Variants in TJP3 observed in about 807,000 individuals in gnomAD.
The protein encoded by TJP3 is tight junction protein ZO-3.
TJP3 carries 85 observed loss-of-function variants against 104.2 expected under a neutral mutation model. The ratio of observed to expected loss-of-function variants is 0.82; its 90% CI spans 0.68 to 0.98. The LOEUF (loss-of-function observed/expected upper bound fraction) is 0.98, where lower values mean the gene tolerates loss of function less well. TJP3 is among the 50% of genes least tolerant of loss of function. The pLI is 0.00. For synonymous variants in TJP3, 550 were observed against 550.6 expected (o/e 1.00, Z 0.02); for missense variants, 1,367 against 1,322.8 (o/e 1.03, Z -0.52).
intron 8 of TJP3, among the ~76,000 whole-genome samples, chr19:3,735,025 T>C (rs1334565206): frequency 6.6e-6 from 1 of 152,078 alleles, no homozygotes; most frequent in Non-Finnish European, 1.5e-5. Context: ...ACTGGCTAAT[T>C]TTCATATTTT....
Position 3,735,940 on chromosome 19 carries a change from G to T in TJP3, c.1127+5G>T. The T allele has an allele frequency of 6.2e-7, 1 of 1,614,106 alleles. No homozygotes were observed. The highest frequency in any genetic ancestry group is 8.5e-7 in the Non-Finnish European group (1 of 1,180,018). ...TCAGAGCATGGAGGATCGTGGGTAT[G>T]TACCCCAGAAGAAAGCAAACCCGCT... On this transcript the variant is annotated splice_donor_5th_base_variant and intron_variant, in intron 10 of 20. Coordinates refer to ENST00000541714, the MANE Select transcript of TJP3 (RefSeq NM_001267560.2).
intron 1 of TJP3, among the ~76,000 whole-genome samples, chr19:3,712,742 A>C (rs1037494153): frequency 6.6e-6 from 1 of 152,114 alleles, no homozygotes; most frequent in Non-Finnish European, 1.5e-5. Flanking sequence ...TGAGCCCAGC[A>C]GTTCAAGACA....
rs1184497357 is a variant in TJP3, at chr19:3,743,930, AC to A, written c.1844-5del. On this transcript the variant is annotated splice_polypyrimidine_tract_variant and splice_region_variant and intron_variant, in intron 14 of 20. Coordinates refer to ENST00000541714, the MANE Select transcript of TJP3 (RefSeq NM_001267560.2). ...ACCCTGATTCTTTCACTGTGTCTCT[AC>A]CCCTCAGCCAGTTTCAAGCGCCCGG... The A allele has an allele frequency of 6.2e-7, 1 of 1,613,552 alleles. No homozygotes were observed. The highest frequency in any genetic ancestry group is 8.5e-7 in the Non-Finnish European group (1 of 1,179,756).
intron 11 of TJP3, among the ~76,000 whole-genome samples, chr19:3,736,692 C>T (rs2036743642): frequency 6.6e-6 from 1 of 151,800 alleles, no homozygotes; most frequent in Non-Finnish European, 1.5e-5. Flanking sequence ...TCTTCTGCCT[C>T]ACCTCCTGAG....
chr19:3,740,034 C>T (rs538006351), intron 13 of TJP3, among the ~76,000 whole-genome samples: 1 of 152,122 alleles, frequency 6.6e-6, no homozygotes, highest in East Asian at 1.9e-4. Context: ...GAGATTGAGA[C>T]TATCCTGGCC....
chr19:3,735,788 C>T (rs140254429), intron 9 of TJP3, 81 bp from the exon 10 acceptor site: 24,113 of 1,588,138 alleles, frequency 0.015, 235 homozygotes, highest in Non-Finnish European at 0.017. Flanking sequence ...ACAGTCCTTC[C>T]AGGATGAGGA....
chr19:3,715,886 C>T (rs1023045774), intron 1 of TJP3, among the ~76,000 whole-genome samples: 2 of 152,118 alleles, frequency 1.3e-5, no homozygotes, highest in African/African-American at 2.4e-5. Context: ...TCAAGCAACT[C>T]TCCTGCCTCG....
chr19:3,712,152 C>T (rs1212852193), intron 1 of TJP3, among the ~76,000 whole-genome samples: 1 of 152,146 alleles, frequency 6.6e-6, no homozygotes, highest in African/African-American at 2.4e-5. Flanking sequence ...TCTGTCTCTA[C>T]TAAAAATACA....
chr19:3,731,015 T>C (rs1382467964), intron 5 of TJP3, among the ~76,000 whole-genome samples: 2 of 152,168 alleles, frequency 1.3e-5, no homozygotes, highest in Admixed American at 6.6e-5. Flanking sequence ...GGCATCTTCT[T>C]GCTCCTCGCT....
intron 15 of TJP3, among the ~76,000 whole-genome samples, chr19:3,745,260 C>T (rs1478594780): frequency 6.7e-6 from 1 of 150,346 alleles, no homozygotes; most frequent in African/African-American, 2.5e-5. Flanking sequence ...ATCCTCCTGC[C>T]TTAGCCACCC....
intron 11 of TJP3, 85 bp downstream of exon 11, chr19:3,736,406 T>G: frequency 7.4e-7 from 1 of 1,344,648 alleles, no homozygotes. Context: ...AGTCCTCCCC[T>G]TGGGTCCACC....
chr19:3,744,677 AAAAC>A (rs1354483429), intron 15 of TJP3, among the ~76,000 whole-genome samples: 6 of 151,618 alleles, frequency 4.0e-5, no homozygotes, highest in African/African-American at 1.5e-4. Flanking sequence ...AAAAAAAACA[AAAAC>A]AATTAAGATA....
chr19:3,724,693 T>C (rs963729800), intron 1 of TJP3, among the ~76,000 whole-genome samples: 3 of 152,150 alleles, frequency 2.0e-5, no homozygotes, highest in Non-Finnish European at 4.4e-5. Flanking sequence ...CATGCCACCA[T>C]GCCCGGCTAA....
At chr19:3,740,045 A>G (rs1280372213) in intron 13 of TJP3, among the ~76,000 whole-genome samples, 1 of 152,090 alleles carries the variant, frequency 6.6e-6, no homozygotes, top group African/African-American at 2.4e-5. Context: ...TATCCTGGCC[A>G]ACATGGTGAA....
chr19:3,747,009 A>T, intron 18 of TJP3, 133 bp downstream of exon 18: 2 of 810,662 alleles, frequency 2.5e-6, no homozygotes, highest in South Asian at 3.2e-5. Flanking sequence ...TCAAGATGGG[A>T]CCTGAGACAA....
At position 3,730,762 on chromosome 19, in the gene TJP3, C is replaced by A; in HGVS notation, c.613+56C>A. 6.6e-7 allele frequency: 1 copy of A among 1,515,834 alleles called. No individual in the cohort carries two copies. Among genetic ancestry groups the A allele is most frequent in the South Asian group, 1.2e-5 (1 of 81,922 alleles). 93.9% of individuals were successfully genotyped at this position (1,515,834 alleles called of 1,614,324 possible). On this transcript the variant is annotated intron_variant, in intron 5 of 20. Coordinates refer to ENST00000541714, the MANE Select transcript of TJP3 (RefSeq NM_001267560.2). The surrounding 1 kb of genome is among the most constrained non-coding windows in gnomAD (Gnocchi z 7.3). ...AGTACTGGACACAGGGCACCGTGGTCGGATGGGCGACGGTTTCAAGTGATT... is the reference window on the plus strand; with the variant it reads ...AGTACTGGACACAGGGCACCGTGGTAGGATGGGCGACGGTTTCAAGTGATT...
chr19:3,718,046 T>A (rs1037388799), intron 1 of TJP3, among the ~76,000 whole-genome samples: 1 of 151,696 alleles, frequency 6.6e-6, no homozygotes, highest in African/African-American at 2.4e-5. Flanking sequence ...AAACCCCATC[T>A]CTACTAAAAG....
chr19:3,746,205 C>G lies in TJP3; in HGVS notation c.2010+124C>G. On this transcript the variant is annotated intron_variant, in intron 16 of 20. Coordinates refer to ENST00000541714, the MANE Select transcript of TJP3 (RefSeq NM_001267560.2). This position sits in a 1 kb window ranked among gnomAD's most constrained non-coding sequence, Gnocchi z 4.1. ...ACAAGTGCAGTCTTCCATAGAGCCC[C>G]TTTTGGAGGCTTTGTGAGGCAGGAG... The G allele has an allele frequency of 9.6e-7, 1 of 1,037,768 alleles. No individual in the cohort carries two copies. The highest frequency in any genetic ancestry group is 1.4e-6 in the Non-Finnish European group (1 of 704,090). The allele number at this position is 1,037,768 out of a possible 1,614,324, so 64.3% of individuals were successfully genotyped here. A position where few individuals can be genotyped will look rare whatever the true frequency, so the allele number is the denominator to read the frequency against.
chr19:3,740,643 T>C lies in TJP3; in HGVS notation c.1723T>C (p.Trp575Arg), dbSNP rs1186249474. 2 of 1,602,540 alleles carry C rather than the reference T, an allele frequency of 1.2e-6. No homozygotes were observed. The highest frequency in any genetic ancestry group is 2.3e-5 in the East Asian group (1 of 44,444). Reference sequence around the variant, plus strand: ...GGGCTCCAATGCTCGGGCCGAGTTCTGGCGGCTGCGGGGTCTTCGTCGAGG... The same window carrying C: ...GGGCTCCAATGCTCGGGCCGAGTTCCGGCGGCTGCGGGGTCTTCGTCGAGG... ...SAGSNARAEF[W>R]RLRGLRRGAK... Residue 575 changes from tryptophan (W) to arginine (R), a missense_variant, in exon 14 of 21, where the codon TGG (tryptophan) becomes CGG (arginine). Physicochemically the swap from Trp to Arg is moderately radical, Grantham distance 101. Transcript: ENST00000541714.
Sources: gnomAD v4.1 joint callset for allele counts (sites outside exome capture counted in the v4.1 genomes callset) on GRCh38, gnomAD v4.1.1 for gene constraint, Gnocchi (gnomAD v3.1) non-coding constraint, MANE v1.5 for transcripts, NCBI Gene and HGNC (gene_info 2026-07-23, HGNC 2026-07-21) for gene names.